The following ARHGAP10 variants were observed in gnomAD, a reference collection of about 807,000 sequenced individuals.
ARHGAP10 encodes the protein Rho GTPase activating protein 10.
ARHGAP10 carries 87 observed loss-of-function variants against 108.6 expected under a neutral mutation model. That is an observed-to-expected ratio of 0.80 (90% CI 0.67 to 0.96). The LOEUF (loss-of-function observed/expected upper bound fraction) is 0.96. Among genes scored for constraint, ARHGAP10 ranks in the 40% least tolerant of loss-of-function variants. ARHGAP10 has a pLI of 0.00. For missense variants in ARHGAP10, 939 were observed against 954.5 expected (o/e 0.98, Z 0.21); for synonymous variants, 347 against 341.1 (o/e 1.02, Z -0.19).
At chr4:148,056,307 C>A (rs1293781827) in intron 20 of ARHGAP10, among the ~76,000 whole-genome samples, 1 of 152,214 alleles carries the variant, frequency 6.6e-6, no homozygotes, top group Non-Finnish European at 1.5e-5. Flanking sequence ...AAGCTTCACA[C>A]ATCTCTTCTT....
chr4:147,961,337 A>AC (rs1399366192), intron 16 of ARHGAP10, among the ~76,000 whole-genome samples: 1 of 152,164 alleles, frequency 6.6e-6, no homozygotes, highest in Non-Finnish European at 1.5e-5. Flanking sequence ...ACTGGAATAA[A>AC]TATTTTGTGA....
chr4:148,005,156 G>A (rs533317520), intron 18 of ARHGAP10, among the ~76,000 whole-genome samples: 22 of 152,242 alleles, frequency 1.4e-4, no homozygotes, highest in African/African-American at 5.3e-4. Flanking sequence ...TATGCCTCAG[G>A]GTCTTTGCAC....
chr4:148,003,809 C>A (rs1366081597), intron 18 of ARHGAP10, among the ~76,000 whole-genome samples: 2 of 117,386 alleles, frequency 1.7e-5, no homozygotes, highest in Non-Finnish European at 3.3e-5. Context: ...TGTGTCTCTG[C>A]ATGTGAGATG....
intron 18 of ARHGAP10, among the ~76,000 whole-genome samples, chr4:148,015,022 G>A (rs1741296666): frequency 1.3e-5 from 2 of 152,154 alleles, no homozygotes; most frequent in East Asian, 3.9e-4. Flanking sequence ...ACCACTGGCA[G>A]GGAAATATCT....
At chr4:147,780,637 G>A (rs1030690200) in intron 1 of ARHGAP10, among the ~76,000 whole-genome samples, 1 of 152,146 alleles carries the variant, frequency 6.6e-6, no homozygotes, top group African/African-American at 2.4e-5. Context: ...TCCTTTGCAT[G>A]GAGAGGGACT....
At chr4:147,830,730 G>A (rs1036894440) in intron 3 of ARHGAP10, among the ~76,000 whole-genome samples, 3 of 152,120 alleles carry the variant, frequency 2.0e-5, no homozygotes, top group Non-Finnish European at 4.4e-5. Flanking sequence ...TTGTTGGCCA[G>A]GCTGGGCTCG....
At chr4:148,008,745 A>G (rs562782487) in intron 18 of ARHGAP10, among the ~76,000 whole-genome samples, 15 of 152,034 alleles carry the variant, frequency 9.9e-5, no homozygotes, top group Non-Finnish European at 2.2e-4. Context: ...AGACCTTTTC[A>G]GGGTTCTGTG....
intron 3 of ARHGAP10, among the ~76,000 whole-genome samples, chr4:147,832,153 T>C (rs1453955945): frequency 1.3e-5 from 2 of 152,056 alleles, no homozygotes; most frequent in African/African-American, 4.8e-5. Flanking sequence ...TTTAATTGTC[T>C]AATCCAGAGG....
chr4:148,044,181 A>G (rs562825906), intron 19 of ARHGAP10, among the ~76,000 whole-genome samples: 4 of 152,268 alleles, frequency 2.6e-5, no homozygotes, highest in South Asian at 2.1e-4. Context: ...TTGAATGACA[A>G]TTTGTGCTGT....
At chr4:148,059,825 A>C (rs1403815295) in intron 20 of ARHGAP10, among the ~76,000 whole-genome samples, 2 of 152,192 alleles carry the variant, frequency 1.3e-5, no homozygotes, top group African/African-American at 4.8e-5. Context: ...CACAGCAATG[A>C]CAGTATCAGT....
chr4:147,825,434 G>A (rs1028745716), intron 3 of ARHGAP10, among the ~76,000 whole-genome samples: 8 of 150,402 alleles, frequency 5.3e-5, no homozygotes, highest in South Asian at 2.1e-4. Context: ...GCGACAGAGC[G>A]AGACTCCATC....
At chr4:147,749,553 A>G (rs1390326509) in intron 1 of ARHGAP10, among the ~76,000 whole-genome samples, 1 of 152,240 alleles carries the variant, frequency 6.6e-6, no homozygotes, top group Non-Finnish European at 1.5e-5. Context: ...ATTAGAACAT[A>G]TGTATTTTCT....
At chr4:148,006,526 C>T (rs1740958746) in intron 18 of ARHGAP10, among the ~76,000 whole-genome samples, 2 of 152,160 alleles carry the variant, frequency 1.3e-5, no homozygotes, top group Non-Finnish European at 2.9e-5. Context: ...TGGTGGTCTG[C>T]CACTGTGGAG....
intron 3 of ARHGAP10, among the ~76,000 whole-genome samples, chr4:147,833,023 C>T (rs367610051): frequency 6.6e-6 from 1 of 152,182 alleles, no homozygotes; most frequent in East Asian, 1.9e-4. Flanking sequence ...CAAGGAAGTG[C>T]TGGTATCAGT....
Position 147,847,872 on chromosome 4 carries a change from T to C in ARHGAP10, c.384+650T>C, listed in dbSNP as rs114254585. On this transcript the variant is annotated intron_variant, in intron 4 of 22. Coordinates refer to ENST00000336498, the MANE Select transcript of ARHGAP10 (RefSeq NM_024605.4). ...GCCTGAGATATATTTAGCAACTTAT[T>C]TAAAATGTGCAATCTGAGCTTTGAA... Among the ~76,000 whole-genome samples the C allele has an allele frequency of 6.1e-3, 932 of 152,312 alleles. 9 individuals are homozygous for C. The highest frequency in any genetic ancestry group is 0.021 in the African/African-American group (876 of 41,556).
At chr4:148,022,280 A>G (rs994157455) in intron 18 of ARHGAP10, among the ~76,000 whole-genome samples, 1 of 152,204 alleles carries the variant, frequency 6.6e-6, no homozygotes, top group African/African-American at 2.4e-5. Context: ...TCTAGGATTT[A>G]AGCCCCACAT....
chr4:147,743,030 T>G (rs968930687), intron 1 of ARHGAP10, among the ~76,000 whole-genome samples: 1 of 151,820 alleles, frequency 6.6e-6, no homozygotes, highest in African/African-American at 2.4e-5. Context: ...ATAGTTTTTT[T>G]TTTTTTTTTA....
At chr4:147,972,672 C>G (rs1219099070) in intron 18 of ARHGAP10, among the ~76,000 whole-genome samples, 1 of 152,148 alleles carries the variant, frequency 6.6e-6, no homozygotes, top group African/African-American at 2.4e-5. Context: ...CCAGATACGT[C>G]CCATGAGATG....
chr4:147,912,523 A>G (rs1736786508), intron 12 of ARHGAP10, among the ~76,000 whole-genome samples: 1 of 144,296 alleles, frequency 6.9e-6, no homozygotes, highest in African/African-American at 2.6e-5. Context: ...TCTCAAAACA[A>G]AAACAAAAAA....
Sources: allele counts gnomAD v4.1 joint callset (sites outside exome capture counted in the v4.1 genomes callset), GRCh38; gene constraint gnomAD v4.1.1; transcripts MANE v1.5; gene names NCBI Gene and HGNC (gene_info 2026-07-23, HGNC 2026-07-21).